The following RBMS3 variants were observed in gnomAD, a reference collection of about 807,000 sequenced individuals.
RBMS3 encodes RNA binding motif single stranded interacting protein 3.
Under a neutral mutation model 66.8 loss-of-function variants are expected in RBMS3, and 27 were observed. The observed-to-expected ratio is 0.40, with a 90% CI of 0.30 to 0.56. The LOEUF is 0.56. Ranked by LOEUF, RBMS3 falls within the 20% of genes least tolerant of loss-of-function variation. RBMS3 has a pLI of 0.40. For missense variants in RBMS3, 513 were observed against 549.5 expected, an observed-to-expected ratio of 0.93 and a Z score of 0.66; for synonymous variants, 188 against 183.0, an observed-to-expected ratio of 1.03 and a Z score of -0.22.
chr3:29,635,503 A>G (rs1416960046), intron 4 of RBMS3, among the ~76,000 whole-genome samples: 1 of 151,778 alleles, frequency 6.6e-6, no homozygotes, highest in African/African-American at 2.4e-5. Context: ...CACCAGTGAA[A>G]CTCTGGCACA....
chr3:29,650,417 A>C (rs2050104635), intron 4 of RBMS3, among the ~76,000 whole-genome samples: 2 of 151,600 alleles, frequency 1.3e-5, no homozygotes, highest in Non-Finnish European at 1.5e-5. Flanking sequence ...CAACCTTCCA[A>C]GTTACTGTGA....
At chr3:29,895,889 G>A (rs1403845710) in intron 8 of RBMS3, among the ~76,000 whole-genome samples, 1 of 150,418 alleles carries the variant, frequency 6.6e-6, no homozygotes, top group African/African-American at 2.4e-5. Context: ...CTTGTCAGCT[G>A]TTAGTATTGT....
At chr3:29,921,308 C>T (rs891452905) in intron 10 of RBMS3, among the ~76,000 whole-genome samples, 35 of 152,184 alleles carry the variant, frequency 2.3e-4, no homozygotes, top group South Asian at 1.9e-3. Flanking sequence ...AAGTGATCTG[C>T]CTGCCTCAGC....
At chr3:29,605,297 A>T (rs187527632) in intron 4 of RBMS3, among the ~76,000 whole-genome samples, 2 of 151,880 alleles carry the variant, frequency 1.3e-5, no homozygotes, top group African/African-American at 4.8e-5. Flanking sequence ...AAAAAGGTCA[A>T]TGCACCAGCA....
rs368652817 is a variant in RBMS3 at position 29,911,911 on chromosome 3, A to C, written c.939+12156A>C. Among the ~76,000 whole-genome samples the C allele has an allele frequency of 5.3e-5, 8 of 152,188 alleles. No individual in the cohort carries two copies. In the East Asian group the frequency reaches 1.5e-3, roughly 29 times the overall value. On this transcript the variant is annotated intron_variant, in intron 10 of 14. Transcript: ENST00000383767. ...AATAATTTTCAGAGATAATTTATTAATCATACAAGTAAAACAAGTTCATCA... is the reference window on the plus strand; with the variant it reads ...AATAATTTTCAGAGATAATTTATTACTCATACAAGTAAAACAAGTTCATCA...
intron 4 of RBMS3, among the ~76,000 whole-genome samples, chr3:29,598,771 A>C (rs904052762): frequency 1.3e-5 from 2 of 152,034 alleles, no homozygotes; most frequent in African/African-American, 4.8e-5. Flanking sequence ...CAATCTGAGA[A>C]TGTGTATTTT....
intron 6 of RBMS3, among the ~76,000 whole-genome samples, chr3:29,864,519 G>C (rs1308859151): frequency 6.6e-6 from 1 of 152,106 alleles, no homozygotes; most frequent in Admixed American, 6.6e-5. Context: ...ATAGTTGCAA[G>C]TTCTGTATGT....
chr3:29,688,306 A>G (rs1405686121), intron 4 of RBMS3, among the ~76,000 whole-genome samples: 1 of 152,102 alleles, frequency 6.6e-6, no homozygotes, highest in Non-Finnish European at 1.5e-5. Context: ...CAGTGATCCA[A>G]AAAATACTTA....
intron 4 of RBMS3, among the ~76,000 whole-genome samples, chr3:29,691,737 T>C (rs1478276542): frequency 1.3e-5 from 2 of 152,174 alleles, no homozygotes; most frequent in African/African-American, 4.8e-5. Context: ...CAGAGACTCA[T>C]AATTCTGCCC....
intron 1 of RBMS3, among the ~76,000 whole-genome samples, chr3:29,393,068 A>G (rs780836309): frequency 1.3e-5 from 2 of 152,162 alleles, no homozygotes; most frequent in Non-Finnish European, 2.9e-5. Flanking sequence ...TTGCTGGTTT[A>G]TGTGTGAAAA....
At chr3:29,448,584 G>T (rs1165071467) in intron 2 of RBMS3, among the ~76,000 whole-genome samples, 1 of 152,156 alleles carries the variant, frequency 6.6e-6, no homozygotes, top group Non-Finnish European at 1.5e-5. Context: ...GCAGCGAAAA[G>T]GACAATTATA....
intron 1 of RBMS3, among the ~76,000 whole-genome samples, chr3:29,428,005 C>G (rs894224043): frequency 2.6e-5 from 4 of 152,168 alleles, no homozygotes; most frequent in African/African-American, 4.8e-5. Context: ...TGAAATGTGG[C>G]ATACTGACAT....
At position 29,797,164 on chromosome 3, in the gene RBMS3, G is replaced by A. The variant is rs1037815675; in HGVS notation, c.637+34175G>A. 2.6e-5 allele frequency among the ~76,000 whole-genome samples: 4 copies of A among 152,164 alleles called. No individual in the cohort carries two copies. In the East Asian group the frequency reaches 5.8e-4, roughly 22 times the overall value. ...AATATAAGGATACTTCATCTATATT[G>A]AAAATCTATTGTTTAGTGTAGCCAC... On this transcript the variant is annotated intron_variant, in intron 6 of 14. Transcript: ENST00000383767.
chr3:29,553,507 C>T (rs2046244171), intron 3 of RBMS3, among the ~76,000 whole-genome samples: 1 of 152,028 alleles, frequency 6.6e-6, no homozygotes, highest in African/African-American at 2.4e-5. Flanking sequence ...ATGCAAGATG[C>T]AGCTCTGGAT....
intron 10 of RBMS3, among the ~76,000 whole-genome samples, chr3:29,913,713 G>A (rs182283120): frequency 1.3e-5 from 2 of 151,786 alleles, no homozygotes; most frequent in Admixed American, 1.3e-4. Flanking sequence ...ATTCTTAAAC[G>A]GTTCTTAATC....
At chr3:29,286,186 C>G (rs1459983927) in intron 1 of RBMS3, among the ~76,000 whole-genome samples, 1 of 152,078 alleles carries the variant, frequency 6.6e-6, no homozygotes, top group Non-Finnish European at 1.5e-5. Flanking sequence ...ACTATGATAG[C>G]ATGAAACTAT....
intron 8 of RBMS3, 26 bp downstream of exon 8, chr3:29,884,234 T>A: frequency 6.3e-7 from 1 of 1,583,862 alleles, no homozygotes; most frequent in South Asian, 1.1e-5. Context: ...TTTCTCTATT[T>A]TAATTGTGAA....
chr3:29,321,402 GA>G (rs2035000928), intron 1 of RBMS3, among the ~76,000 whole-genome samples: 1 of 152,016 alleles, frequency 6.6e-6, no homozygotes. Context: ...TAAAATATCT[GA>G]AAATAGAACA....
Position 29,671,019 on chromosome 3 carries a change from C to T in RBMS3, c.400-68701C>T, listed in dbSNP as rs116229858. Among the ~76,000 whole-genome samples, 695 of 152,290 alleles carry T rather than the reference C, an allele frequency of 4.6e-3. 10 individuals are homozygous for T. The highest frequency in any genetic ancestry group is 7.5e-3 in the Non-Finnish European group (509 of 68,024). On this transcript the variant is annotated intron_variant, in intron 4 of 14. Transcript: ENST00000383767. ...TCTCACAATAGGGGCCGACTGACAC[C>T]TCACAAGGCCGAGTGCCCCTCTGAG...
Sources: gnomAD v4.1 joint callset for allele counts (sites outside exome capture counted in the v4.1 genomes callset) on GRCh38, gnomAD v4.1.1 for gene constraint, MANE v1.5 for transcripts, NCBI Gene and HGNC (gene_info 2026-07-23, HGNC 2026-07-21) for gene names.